The following CORO7 variants were observed in gnomAD, a reference collection of about 807,000 sequenced individuals.
CORO7 encodes the protein coronin-7.
In CORO7, 107 loss-of-function variants were observed where a neutral mutation model predicts 126.6. The ratio of observed to expected loss-of-function variants is 0.85; its 90% CI spans 0.72 to 0.99. The LOEUF (loss-of-function observed/expected upper bound fraction) is 0.99, where lower values mean the gene tolerates loss of function less well. Among genes scored for constraint, CORO7 ranks in the 50% least tolerant of loss-of-function variants. CORO7 has a pLI of 0.00. For synonymous variants in CORO7, 603 were observed against 536.8 expected (o/e 1.12, Z -1.70); for missense variants, 1,314 against 1,255.8 (o/e 1.05, Z -0.70).
intron 7 of CORO7, among the ~76,000 whole-genome samples, chr16:4,393,042 C>A (rs1429965516): frequency 6.6e-6 from 1 of 152,242 alleles, no homozygotes; most frequent in African/African-American, 2.4e-5. Context: ...CCGCCCCAGC[C>A]CTGCTGGAAG....
chr16:4,364,902 T>C lies in CORO7; in HGVS notation c.917A>G (p.Glu306Gly), dbSNP rs751841296. 2 of 1,610,256 alleles carry C rather than the reference T, an allele frequency of 1.2e-6. No individual in the cohort carries two copies. Among genetic ancestry groups the C allele is most frequent in the Non-Finnish European group, 1.7e-6 (2 of 1,179,018 alleles). The change falls in exon 12 of 28, where the codon GAG becomes GGG. Residue 306 changes from glutamate (E) to glycine (G), a missense_variant. Glu to Gly is a moderately conservative substitution (Grantham distance 98, BLOSUM62 -2). Coordinates refer to ENST00000251166, the MANE Select transcript of CORO7 (RefSeq NM_024535.5). ...ALSPVTQCVL[E>G]SVLRGAALVP... ...AAGGGCAGCCCCACGCAGCACGCTC[T>C]CCAGGACACACTGGGTCACTGTTGA...
At chr16:4,375,004 C>T (rs1032598375) in intron 9 of CORO7, among the ~76,000 whole-genome samples, 1 of 152,152 alleles carries the variant, frequency 6.6e-6, no homozygotes, top group Non-Finnish European at 1.5e-5. Flanking sequence ...ACACCTGCCG[C>T]GTGCCGAAAG....
intron 9 of CORO7, among the ~76,000 whole-genome samples, chr16:4,384,643 G>T (rs549071377): frequency 6.6e-6 from 1 of 152,228 alleles, no homozygotes; most frequent in Non-Finnish European, 1.5e-5. Flanking sequence ...GCCCAGCCAC[G>T]CGAGGCTCTG....
intron 23 of CORO7, among the ~76,000 whole-genome samples, 166 bp from the exon 24 acceptor site, chr16:4,358,649 A>G (rs1252875846): frequency 6.6e-6 from 1 of 152,168 alleles, no homozygotes; most frequent in Non-Finnish European, 1.5e-5. Context: ...TCTGGAGGGA[A>G]AGCCCTGATT....
Position 4,412,241 on chromosome 16 carries a change from G to T in CORO7, c.232+115C>A. 3.5e-6 allele frequency: 4 copies of T among 1,132,194 alleles called. No individual in the cohort carries two copies. The South Asian group carries it at 4.1e-5, about 12-fold the overall frequency. The allele number at this position is 1,132,194 out of a possible 1,614,324, so 70.1% of individuals were successfully genotyped here. A position where few individuals can be genotyped will look rare whatever the true frequency, so the allele number is the denominator to read the frequency against. ...CTCTCAGAGAGTGCACAGACAGGGC[G>T]ACAGGAGGGACCTGGCAAGCCATGC... is the stretch of plus-strand genomic sequence containing the variant. On this transcript the variant is annotated intron_variant, in intron 3 of 27. Transcript: ENST00000251166.
At chr16:4,406,150 C>T (rs866017145) in intron 5 of CORO7, among the ~76,000 whole-genome samples, 2 of 152,150 alleles carry the variant, frequency 1.3e-5, no homozygotes, top group African/African-American at 2.4e-5. Context: ...TAGGCACCTG[C>T]CACCATGCCC....
In CORO7 at chr16:4,388,078, G is replaced by A. The variant is rs752294761; in HGVS notation, c.703-10C>T. ...CTTCGCGCTCACGCATCTGCAGGGA[G>A]GGCGAGAGAGGGGCTCAGAGGGGCC... On this transcript the variant is annotated splice_polypyrimidine_tract_variant and intron_variant, in intron 8 of 27. Transcript: ENST00000251166. The A allele has an allele frequency of 6.8e-6, 11 of 1,608,622 alleles. No individual in the cohort carries two copies. The highest frequency in any genetic ancestry group is 1.7e-4 in the Middle Eastern group (1 of 6,026).
rs1248519356 is a variant in CORO7 at position 4,382,582 on chromosome 16, G to C, written c.785+5404C>G. The C allele has an allele frequency of 2.5e-6, 4 of 1,587,658 alleles. No homozygotes were observed. In the East Asian group the frequency reaches 7.0e-5, roughly 28 times the overall value. Reference sequence around the variant, plus strand: ...CTCCAACCACGCCCCAGTCACCCAGGCCCGCGAGGGCAACCTGCCGCTCCT... The same window carrying C: ...CTCCAACCACGCCCCAGTCACCCAGCCCCGCGAGGGCAACCTGCCGCTCCT... On this transcript the variant is annotated intron_variant, in intron 9 of 27. Transcript: ENST00000251166.
intron 6 of CORO7, among the ~76,000 whole-genome samples, chr16:4,400,026 A>G (rs1194173859): frequency 5.9e-5 from 9 of 152,232 alleles, no homozygotes; most frequent in African/African-American, 2.2e-4. Flanking sequence ...CAATGAAAAG[A>G]TCAGTGCTTG....
At chr16:4,358,692 C>T (rs2054061831) in intron 23 of CORO7, among the ~76,000 whole-genome samples, 2 of 152,162 alleles carry the variant, frequency 1.3e-5, no homozygotes, top group Admixed American at 1.3e-4. Context: ...AGTTTACAAA[C>T]TCCCACCATG....
In CORO7 at chr16:4,412,406, T is replaced by C; in HGVS notation, c.182A>G (p.Gln61Arg). ...GCGTCGCTTGTCCTCTCCTTGGCCTTGCAGAGGCACAATGCCCAGTACACC... is the reference window on the plus strand; with the variant it reads ...GCGTCGCTTGTCCTCTCCTTGGCCTCGCAGAGGCACAATGCCCAGTACACC... Reference protein sequence around the residue: ...RPGVLGIVPLQGQGEDKRRVA... With the variant: ...RPGVLGIVPLRGQGEDKRRVA... Residue 61 changes from glutamine (Q) to arginine (R), a missense_variant, in exon 3 of 28, where the codon CAA becomes CGA. Coordinates refer to ENST00000251166, the MANE Select transcript of CORO7 (RefSeq NM_024535.5). The C allele has an allele frequency of 6.2e-7, 1 of 1,614,184 alleles. No homozygotes were observed. The highest frequency in any genetic ancestry group is 8.5e-7 in the Non-Finnish European group (1 of 1,180,020).
intron 9 of CORO7, among the ~76,000 whole-genome samples, chr16:4,375,279 GAAGACCCTGTGCCTGCCCCTCT>G (rs1860276263): frequency 6.6e-6 from 1 of 152,160 alleles, no homozygotes. Context: ...AGGGAGGAGG[GAAGACCCTGTGCCTGCCCCTCT>G]CCCAGCCCTG....
intron 6 of CORO7, among the ~76,000 whole-genome samples, chr16:4,402,693 C>T (rs1393560328): frequency 2.0e-5 from 3 of 152,200 alleles, no homozygotes; most frequent in East Asian, 3.9e-4. Flanking sequence ...GGGTCCAAAC[C>T]AGGGTTCAGA....
At position 4,360,824 on chromosome 16, in the gene CORO7, GCTGCTGGTCCTGCCTCTCCTCA is replaced by G. The variant is rs1485785845; in HGVS notation, c.1917+97_1917+118del. 6.5e-5 allele frequency: 89 copies of G among 1,365,784 alleles called. No individual in the cohort carries two copies. The African/African-American group carries it at 1.4e-3, about 22-fold the overall frequency. The allele number at this position is 1,365,784 out of a possible 1,614,324, so 84.6% of individuals were successfully genotyped here. On this transcript the variant is annotated intron_variant, in intron 19 of 27. Transcript: ENST00000251166. ...CTCACTGCTGGCCCCACCCCTCCTC[GCTGCTGGTCCTGCCTCTCCTCA>G]CTGCTGGCCCCGCCACTCCTCACTG... is the stretch of plus-strand genomic sequence containing the variant.
intron 5 of CORO7, 113 bp downstream of exon 5, chr16:4,407,388 G>T: frequency 7.8e-7 from 1 of 1,279,496 alleles, no homozygotes; most frequent in Non-Finnish European, 1.1e-6. Flanking sequence ...CTATGTAAGT[G>T]TAAAACTTTG....
Position 4,412,428 on chromosome 16 carries a change from C to T in CORO7, c.160G>A (p.Val54Ile). ...LIAFNSDRPG[V>I]LGIVPLQGQG... ...CCTTGCAGAGGCACAATGCCCAGTA[C>T]ACCTGTTAAACAAACACGGGGACTC... Residue 54 changes from valine (V) to isoleucine (I), a missense_variant and splice_region_variant, in exon 3 of 28, where the codon GTA becomes ATA. Physicochemically the swap from Val to Ile is conservative, Grantham distance 29. Coordinates refer to ENST00000251166, the MANE Select transcript of CORO7 (RefSeq NM_024535.5). 1 of 1,614,214 alleles carries T rather than the reference C, an allele frequency of 6.2e-7. No individual in the cohort carries two copies.
chr16:4,367,113 C>T (rs1334161648), intron 9 of CORO7, among the ~76,000 whole-genome samples: 1 of 152,202 alleles, frequency 6.6e-6, no homozygotes, highest in African/African-American at 2.4e-5. Flanking sequence ...TGGGTGGGGC[C>T]CTGGGTGTCT....
chr16:4,407,545 G>A lies in CORO7; in HGVS notation c.443C>T (p.Thr148Ile). The change falls in exon 5 of 28, where the codon ACC becomes ATC. Residue 148 changes from threonine (T) to isoleucine (I), a missense_variant. Physicochemically the swap from Thr to Ile is moderately conservative, Grantham distance 89. Coordinates refer to ENST00000251166, the MANE Select transcript of CORO7 (RefSeq NM_024535.5). The stretch of plus-strand genomic sequence containing the variant: ...GGCTGCGTCCCAGACCTTCACAGTG[G>A]TGCCTGCTGCGCTCACCAGAATGCC... Reference protein sequence around the residue: ...SDGILVSAAGTTVKVWDAAKQ... With the variant: ...SDGILVSAAGITVKVWDAAKQ... 1 of 1,580,240 alleles carries A rather than the reference G, an allele frequency of 6.3e-7. No homozygotes were observed. Among genetic ancestry groups the A allele is most frequent in the East Asian group, 2.3e-5 (1 of 42,848 alleles).
chr16:4,367,434 C>T (rs1395378714), intron 9 of CORO7, among the ~76,000 whole-genome samples: 1 of 152,208 alleles, frequency 6.6e-6, no homozygotes, highest in Non-Finnish European at 1.5e-5. Flanking sequence ...GCCTGGTCCT[C>T]GGCTCGACCT....
Sources: gnomAD v4.1 joint callset for allele counts (sites outside exome capture counted in the v4.1 genomes callset) on GRCh38, gnomAD v4.1.1 for gene constraint, MANE v1.5 for transcripts, NCBI Gene and HGNC (gene_info 2026-07-23, HGNC 2026-07-21) for gene names.